The following RUNDC3B variants were observed in gnomAD, a reference collection of about 807,000 sequenced individuals.
RUNDC3B encodes RUN domain containing 3B.
RUNDC3B carries 33 observed loss-of-function variants against 58.4 expected under a neutral mutation model. The ratio of observed to expected loss-of-function variants is 0.56; its 90% CI spans 0.43 to 0.75. RUNDC3B has a LOEUF of 0.75. Ranked by LOEUF, RUNDC3B falls within the 30% of genes least tolerant of loss-of-function variation. The pLI, the probability that RUNDC3B is intolerant of heterozygous loss-of-function variation, is 0.00. For synonymous variants in RUNDC3B, 193 were observed against 195.2 expected, an observed-to-expected ratio of 0.99 and a Z score of 0.10; for missense variants, 501 against 535.7, an observed-to-expected ratio of 0.94 and a Z score of 0.64.
intron 2 of RUNDC3B, among the ~76,000 whole-genome samples, chr7:87,654,527 C>T (rs1823892737): frequency 6.6e-6 from 1 of 151,982 alleles, no homozygotes. Flanking sequence ...TGGTTAGCCA[C>T]ATGTAGAAGA....
At chr7:87,742,630 T>G (rs976038379) in intron 6 of RUNDC3B, among the ~76,000 whole-genome samples, 6 of 150,350 alleles carry the variant, frequency 4.0e-5, no homozygotes, top group Admixed American at 1.3e-4. Context: ...ATATCATGGT[T>G]TTTTTAATTG....
At chr7:87,640,863 TTTTA>T (rs1262614241) in intron 1 of RUNDC3B, among the ~76,000 whole-genome samples, 2 of 152,156 alleles carry the variant, frequency 1.3e-5, no homozygotes, top group African/African-American at 4.8e-5. Context: ...GTTCCAGAAT[TTTTA>T]TTTGATTTTT....
intron 2 of RUNDC3B, among the ~76,000 whole-genome samples, chr7:87,687,778 C>T (rs142596955): frequency 0.01 from 1,557 of 152,238 alleles, 29 homozygotes; most frequent in African/African-American, 0.035. Context: ...CTAAGCATTG[C>T]TCAGGAACTC....
chr7:87,703,914 G>GTTTTTTTTT (rs35797972), intron 3 of RUNDC3B, among the ~76,000 whole-genome samples: 275 of 42,978 alleles, frequency 6.4e-3, no homozygotes, highest in Middle Eastern at 0.022. Context: ...TTTTTTTTTG[G>GTTTTTTTTT]TTTTTTTTTT....
At chr7:87,655,789 C>G (rs777888034) in intron 2 of RUNDC3B, among the ~76,000 whole-genome samples, 1 of 152,046 alleles carries the variant, frequency 6.6e-6, no homozygotes, top group Non-Finnish European at 1.5e-5. Context: ...GGAAACTTAA[C>G]CCCCTGTCCA....
chr7:87,800,058 C>G (rs1294934691), intron 8 of RUNDC3B, among the ~76,000 whole-genome samples: 1 of 152,102 alleles, frequency 6.6e-6, no homozygotes, highest in Non-Finnish European at 1.5e-5. Flanking sequence ...ATTATCTTAT[C>G]AAAATTAAAA....
At chr7:87,704,775 G>A (rs1829440143) in intron 3 of RUNDC3B, among the ~76,000 whole-genome samples, 1 of 152,192 alleles carries the variant, frequency 6.6e-6, no homozygotes, top group Admixed American at 6.5e-5. Flanking sequence ...GCTGGGAAGA[G>A]TCTGTGGAGA....
intron 4 of RUNDC3B, among the ~76,000 whole-genome samples, chr7:87,738,896 G>A (rs946215061): frequency 2.0e-5 from 3 of 151,856 alleles, no homozygotes; most frequent in Non-Finnish European, 4.4e-5. Context: ...ACTGAAAAGA[G>A]CAAGACCTTT....
At chr7:87,754,485 G>T (rs975661495) in intron 6 of RUNDC3B, among the ~76,000 whole-genome samples, 3 of 152,172 alleles carry the variant, frequency 2.0e-5, no homozygotes, top group African/African-American at 4.8e-5. Flanking sequence ...ACATGAAAAT[G>T]TAGGAAAGAT....
chr7:87,634,492 G>A (rs542316590), intron 1 of RUNDC3B, among the ~76,000 whole-genome samples: 1 of 126,360 alleles, frequency 7.9e-6, no homozygotes, highest in South Asian at 3.6e-4. Flanking sequence ...GGTGGTGGGG[G>A]GTGGGGGGGG....
chr7:87,668,942 G>GTA (rs1825549363), intron 2 of RUNDC3B, among the ~76,000 whole-genome samples: 1 of 152,108 alleles, frequency 6.6e-6, no homozygotes, highest in Non-Finnish European at 1.5e-5. Flanking sequence ...GGAGAAGAAT[G>GTA]TATATTCTGG....
intron 1 of RUNDC3B, among the ~76,000 whole-genome samples, chr7:87,632,761 G>C (rs1821353803): frequency 6.6e-6 from 1 of 152,022 alleles, no homozygotes; most frequent in South Asian, 2.1e-4. Context: ...CTTTGATTTT[G>C]GTTTTGGTGG....
intron 8 of RUNDC3B, among the ~76,000 whole-genome samples, chr7:87,783,190 T>C (rs987151319): frequency 1.3e-5 from 2 of 151,970 alleles, no homozygotes; most frequent in Admixed American, 6.6e-5. Flanking sequence ...TGTGTGTGTG[T>C]GTGTGTATAT....
At chr7:87,649,472 C>T (rs556390716) in intron 1 of RUNDC3B, among the ~76,000 whole-genome samples, 1 of 152,172 alleles carries the variant, frequency 6.6e-6, no homozygotes, top group African/African-American at 2.4e-5. Flanking sequence ...GTAATTTTCT[C>T]TTAAGGGAAA....
At chr7:87,697,690 G>A (rs1371299653) in intron 2 of RUNDC3B, among the ~76,000 whole-genome samples, 1 of 152,152 alleles carries the variant, frequency 6.6e-6, no homozygotes, top group Non-Finnish European at 1.5e-5. Flanking sequence ...TTTGAATTTA[G>A]TATGCACTAG....
At chr7:87,700,110 T>C (rs983837138) in intron 2 of RUNDC3B, among the ~76,000 whole-genome samples, 1 of 152,146 alleles carries the variant, frequency 6.6e-6, no homozygotes, top group African/African-American at 2.4e-5. Flanking sequence ...TTTAAGCGAC[T>C]GTATTAGACA....
Position 87,628,671 on chromosome 7 carries a change from C to T in RUNDC3B, c.-153C>T. On this transcript the variant is annotated 5_prime_UTR_variant, in exon 1 of 11. Coordinates refer to ENST00000394654, the MANE Select transcript of RUNDC3B (RefSeq NM_001134405.2). The stretch of plus-strand genomic sequence containing the variant: ...AGCCGTCAGTCCCCGGGTGCGAGTC[C>T]CTGCTGTCTTCCACACCCTTCCTCC... 2 of 425,284 alleles carry T rather than the reference C, an allele frequency of 4.7e-6. No homozygotes were observed. Among genetic ancestry groups the T allele is most frequent in the Non-Finnish European group, 3.9e-6 (1 of 256,102 alleles). 26.3% of individuals were successfully genotyped at this position (425,284 alleles called of 1,614,324 possible).
chr7:87,707,901 G>A (rs922472836), intron 3 of RUNDC3B, among the ~76,000 whole-genome samples: 1 of 151,912 alleles, frequency 6.6e-6, no homozygotes, highest in Non-Finnish European at 1.5e-5. Flanking sequence ...TTATATGAGT[G>A]AAACTGAGGA....
chr7:87,811,955 T>A (rs1175299789), intron 9 of RUNDC3B, among the ~76,000 whole-genome samples: 1 of 152,238 alleles, frequency 6.6e-6, no homozygotes, highest in Admixed American at 6.5e-5. Context: ...ATTCATGTGC[T>A]TCTGTATATA....
Sources: allele counts gnomAD v4.1 joint callset (sites outside exome capture counted in the v4.1 genomes callset), GRCh38; gene constraint gnomAD v4.1.1; transcripts MANE v1.5; gene names NCBI Gene and HGNC (gene_info 2026-07-23, HGNC 2026-07-21).